Variants in GNAZ observed in about 807,000 individuals in gnomAD.
GNAZ encodes G protein subunit alpha z, also known as guanine nucleotide-binding protein G(z) subunit alpha.
A neutral mutation model predicts 25.4 loss-of-function variants in GNAZ; 3 were observed. The ratio of observed to expected loss-of-function variants is 0.12; its 90% CI spans 0.05 to 0.30. The LOEUF is 0.30. Ranked by LOEUF, GNAZ falls within the 10% of genes least tolerant of loss-of-function variation. The pLI is 1.00. For missense variants in GNAZ, 241 were observed against 501.8 expected (o/e 0.48, Z 4.97); for synonymous variants, 211 against 205.7 (o/e 1.03, Z -0.22).
At chr22:23,078,884 TCAGGATCGGCCAAGTC>T (rs1338502997) in intron 1 of GNAZ, among the ~76,000 whole-genome samples, 1 of 152,172 alleles carries the variant, frequency 6.6e-6, no homozygotes. Flanking sequence ...TGGGGCAGCA[TCAGGATCGGCCAAGTC>T]CAGGTGGGCG....
Position 23,119,179 on chromosome 22 carries a change from G to T in GNAZ, c.724-3908G>T, listed in dbSNP as rs557654502. On this transcript the variant is annotated intron_variant, in intron 2 of 2. Coordinates refer to ENST00000615612, the MANE Select transcript of GNAZ (RefSeq NM_002073.4). ...GCTTTGCCCACCTGTCTGCACTCCA[G>T]GCTGCAAGAGTGCAGGCACCGCTGT... Among the ~76,000 whole-genome samples the T allele has an allele frequency of 4.6e-5, 7 of 152,334 alleles. No homozygotes were observed. The East Asian group carries it at 1.4e-3, about 29-fold the overall frequency.
chr22:23,118,521 A>C (rs916891933), intron 2 of GNAZ, among the ~76,000 whole-genome samples: 3 of 142,330 alleles, frequency 2.1e-5, no homozygotes, highest in African/African-American at 7.6e-5. Flanking sequence ...AGGTGAAGGC[A>C]AGGAGGGCTT....
rs141916978 is a variant in GNAZ at position 23,106,044 on chromosome 22, A to T, written c.723+9626A>T. On this transcript the variant is annotated intron_variant, in intron 2 of 2. Coordinates refer to ENST00000615612, the MANE Select transcript of GNAZ (RefSeq NM_002073.4). ...GGAGCAAATGCTCCCACCATCTTGGAATTTTCTGTCCCAGGACTGGGAGTC... is the reference window on the plus strand; with the variant it reads ...GGAGCAAATGCTCCCACCATCTTGGTATTTTCTGTCCCAGGACTGGGAGTC... 3.0e-3 allele frequency among the ~76,000 whole-genome samples: 458 copies of T among 152,216 alleles called. 1 individual carries two copies. Among genetic ancestry groups the T allele is most frequent in the African/African-American group, 0.01 (433 of 41,530 alleles).
rs748545161 is a variant in GNAZ, at chr22:23,095,984, A to G, written c.289A>G (p.Asn97Asp). The change falls in exon 2 of 3, where the codon AAC becomes GAC. Residue 97 changes from asparagine (N) to aspartate (D), a missense_variant. Asn to Asp is a conservative substitution (Grantham distance 23). Coordinates refer to ENST00000615612, the MANE Select transcript of GNAZ (RefSeq NM_002073.4). ...ALAALRIDFHNPDRAYDAVQL... is the reference protein window; with the variant it reads ...ALAALRIDFHDPDRAYDAVQL... ...GGCCGCCCTCAGGATCGACTTCCAC[A>G]ACCCCGACCGCGCCTACGACGCTGT... 6.2e-7 allele frequency: 1 copy of G among 1,610,180 alleles called. No homozygotes were observed. Among genetic ancestry groups the G allele is most frequent in the Non-Finnish European group, 8.5e-7 (1 of 1,179,994 alleles).
chr22:23,110,150 G>A (rs540362427), intron 2 of GNAZ, among the ~76,000 whole-genome samples: 108 of 152,320 alleles, frequency 7.1e-4, no homozygotes, highest in African/African-American at 2.4e-3. Context: ...GGGGTGGTTC[G>A]GGCTGTCTGG....
intron 2 of GNAZ, among the ~76,000 whole-genome samples, chr22:23,114,069 C>CAT: frequency 6.6e-6 from 1 of 152,312 alleles, no homozygotes; most frequent in South Asian, 2.1e-4. Flanking sequence ...AAGCTCATCT[C>CAT]TGTATGAAAC....
In GNAZ at chr22:23,095,506, A is replaced by T. The variant is rs962698348; in HGVS notation, c.-190A>T. 72 of 636,144 alleles carry T rather than the reference A, an allele frequency of 1.1e-4. No homozygotes were observed. Among genetic ancestry groups the T allele is most frequent in the African/African-American group, 3.7e-5 (2 of 54,570 alleles). The allele number at this position is 636,144 out of a possible 1,614,324, so 39.4% of individuals were successfully genotyped here. Reference sequence around the variant, plus strand: ...GAGGGGCGGCCACCGCCCGCTGCACAGAGCGCCATGCCGGCTGGAGAAGAG... The same window carrying T: ...GAGGGGCGGCCACCGCCCGCTGCACTGAGCGCCATGCCGGCTGGAGAAGAG... On this transcript the variant is annotated 5_prime_UTR_variant, in exon 2 of 3. Transcript: ENST00000615612.
At chr22:23,086,644 C>G (rs2068829349) in intron 1 of GNAZ, among the ~76,000 whole-genome samples, 1 of 152,226 alleles carries the variant, frequency 6.6e-6, no homozygotes, top group African/African-American at 2.4e-5. Context: ...CGGGGCCCAG[C>G]CCACAGTTGC....
chr22:23,121,510 C>T lies in GNAZ; in HGVS notation c.724-1577C>T, dbSNP rs1230312078. Among the ~76,000 whole-genome samples, 3 of 152,180 alleles carry T rather than the reference C, an allele frequency of 2.0e-5. No homozygotes were observed. The South Asian group carries it at 6.2e-4, about 32-fold the overall frequency. ...TGTGGGGCTTGGAGCACATATCCTG[C>T]CTCTCTGTGCCTCAGTTTCTTCATC... On this transcript the variant is annotated intron_variant, in intron 2 of 2. Coordinates refer to ENST00000615612, the MANE Select transcript of GNAZ (RefSeq NM_002073.4).
At chr22:23,111,926 C>G (rs895964292) in intron 2 of GNAZ, among the ~76,000 whole-genome samples, 2 of 152,214 alleles carry the variant, frequency 1.3e-5, no homozygotes, top group African/African-American at 4.8e-5. Flanking sequence ...CAGAGTGTGT[C>G]ACTAGGAGCA....
At position 23,095,989 on chromosome 22, in the gene GNAZ, C is replaced by G. The variant is rs148603348; in HGVS notation, c.294C>G (p.Pro98=). 2.5e-6 allele frequency: 4 copies of G among 1,609,846 alleles called. No individual in the cohort carries two copies. Among genetic ancestry groups the G allele is most frequent in the Non-Finnish European group, 3.4e-6 (4 of 1,179,998 alleles). Residue 98 remains proline (P), a synonymous_variant, in exon 2 of 3, where the codon CCC becomes CCG. Coordinates refer to ENST00000615612, the MANE Select transcript of GNAZ (RefSeq NM_002073.4). ...LAALRIDFHN[P]DRAYDAVQLF... is the part of the protein sequence containing the mutation. ...CCCTCAGGATCGACTTCCACAACCC[C>G]GACCGCGCCTACGACGCTGTGCAGC...
chr22:23,123,542 G>A lies in GNAZ; in HGVS notation c.*111G>A. The A allele has an allele frequency of 1.5e-6, 1 of 665,410 alleles. No homozygotes were observed. The highest frequency in any genetic ancestry group is 2.6e-6 in the Non-Finnish European group (1 of 385,520). 41.2% of individuals were successfully genotyped at this position (665,410 alleles called of 1,614,324 possible). On this transcript the variant is annotated 3_prime_UTR_variant, in exon 3 of 3. Coordinates refer to ENST00000615612, the MANE Select transcript of GNAZ (RefSeq NM_002073.4). The stretch of plus-strand genomic sequence containing the variant: ...GCAGAAAACAGGGGGCCTAAAGAAT[G>A]TCCCCCACCCCTTGGCCTCTGCCTC...
At chr22:23,088,257 C>A (rs1452157671) in intron 1 of GNAZ, among the ~76,000 whole-genome samples, 26 of 152,228 alleles carry the variant, frequency 1.7e-4, no homozygotes. Context: ...CAGGGTACCC[C>A]AGTGCGTTTC....
intron 1 of GNAZ, among the ~76,000 whole-genome samples, chr22:23,081,574 C>T (rs1225057094): frequency 7.1e-6 from 1 of 140,134 alleles, no homozygotes; most frequent in Non-Finnish European, 1.5e-5. Context: ...GTAATCCCAG[C>T]ACTTTGGGAA....
At position 23,095,732 on chromosome 22, in the gene GNAZ, GC is replaced by G; in HGVS notation, c.40del (p.Arg14GlyfsTer40). ...CRQSSEEKEAARRSRRIDRHL... is the reference protein window; with the variant it reads ...CRQSSEEKEAXRRSRRIDRHL... ...GCAAAGCTCAGAGGAAAAAGAAGCA[GC>G]CCGGCGGTCCCGGAGAATTGACCGC... On this transcript the variant is annotated frameshift_variant, in exon 2 of 3. Coordinates refer to ENST00000615612, the MANE Select transcript of GNAZ (RefSeq NM_002073.4). LOFTEE classifies it high-confidence loss of function. 1 of 1,611,794 alleles carries G rather than the reference GC, an allele frequency of 6.2e-7. No homozygotes were observed. Among genetic ancestry groups the G allele is most frequent in the Non-Finnish European group, 8.5e-7 (1 of 1,179,420 alleles).
chr22:23,106,247 C>A (rs973835188), intron 2 of GNAZ, among the ~76,000 whole-genome samples: 1 of 152,182 alleles, frequency 6.6e-6, no homozygotes, highest in African/African-American at 2.4e-5. Flanking sequence ...AGCAAAAAAG[C>A]AAAACAGAGT....
chr22:23,107,254 C>T (rs1345480009), intron 2 of GNAZ, among the ~76,000 whole-genome samples: 1 of 152,176 alleles, frequency 6.6e-6, no homozygotes, highest in Non-Finnish European at 1.5e-5. Flanking sequence ...GGAACACACC[C>T]CTGCCCTGGC....
At position 23,117,228 on chromosome 22, in the gene GNAZ, T is replaced by C. The variant is rs144576197; in HGVS notation, c.724-5859T>C. ...ACAGAGGGACCGGCTGTAAGGAGAC[T>C]GGCCTGATGGGGAATGAGAGGGGCT... On this transcript the variant is annotated intron_variant, in intron 2 of 2. Coordinates refer to ENST00000615612, the MANE Select transcript of GNAZ (RefSeq NM_002073.4). 8.4e-4 allele frequency among the ~76,000 whole-genome samples: 107 copies of C among 127,550 alleles called. 3 individuals carry two copies. In the East Asian group the frequency reaches 0.021, roughly 25 times the overall value. The allele number at this position is 127,550 out of a possible 152,430, so 83.7% of individuals were successfully genotyped here. A position where few individuals can be genotyped will look rare whatever the true frequency, so the allele number is the denominator to read the frequency against.
intron 2 of GNAZ, among the ~76,000 whole-genome samples, chr22:23,108,803 C>G (rs1385843734): frequency 6.6e-6 from 1 of 152,244 alleles, no homozygotes; most frequent in Non-Finnish European, 1.5e-5. Flanking sequence ...CTGGCCACCC[C>G]AAGTGTTAGC....
Sources: gnomAD v4.1 joint callset for allele counts (sites outside exome capture counted in the v4.1 genomes callset) on GRCh38, gnomAD v4.1.1 for gene constraint, MANE v1.5 for transcripts, NCBI Gene and HGNC (gene_info 2026-07-23, HGNC 2026-07-21) for gene names.